DNAAF11: variants seen among roughly 807,000 people sequenced by gnomAD.
The protein encoded by DNAAF11 is dynein axonemal assembly factor 11, also known as leucine rich repeat containing 6.
Under a neutral mutation model 60.8 loss-of-function variants are expected in DNAAF11, and 45 were observed. That is an observed-to-expected ratio of 0.74 (90% CI 0.58 to 0.95). DNAAF11 has a LOEUF of 0.95. DNAAF11 is among the 40% of genes least tolerant of loss of function. The pLI is 0.00. For missense variants in DNAAF11, 546 were observed against 546.2 expected (o/e 1.00, Z 0.00); for synonymous variants, 191 against 183.5 (o/e 1.04, Z -0.33).
intron 5 of DNAAF11, among the ~76,000 whole-genome samples, chr8:132,626,173 T>G (rs1820262801): frequency 6.6e-6 from 1 of 152,074 alleles, no homozygotes; most frequent in Admixed American, 6.6e-5. Flanking sequence ...TGCCTCAGCC[T>G]CCTGAGTAGC....
At chr8:132,584,653 C>T (rs146542250) in intron 10 of DNAAF11, among the ~76,000 whole-genome samples, 2 of 152,170 alleles carry the variant, frequency 1.3e-5, no homozygotes, top group Non-Finnish European at 2.9e-5. Flanking sequence ...GTGTCCATTC[C>T]CCTCTCTACC....
chr8:132,650,483 A>C (rs1822894760), intron 3 of DNAAF11, among the ~76,000 whole-genome samples: 1 of 152,178 alleles, frequency 6.6e-6, no homozygotes, highest in Non-Finnish European at 1.5e-5. Flanking sequence ...AAACCTGCAC[A>C]TTGTGCACAT....
intron 11 of DNAAF11, among the ~76,000 whole-genome samples, chr8:132,576,670 A>T (rs1181797467): frequency 6.6e-6 from 1 of 152,214 alleles, no homozygotes; most frequent in Non-Finnish European, 1.5e-5. Context: ...TGCTCATTGG[A>T]GCACTTCAGA....
chr8:132,628,143 G>A (rs901003423), intron 5 of DNAAF11, among the ~76,000 whole-genome samples: 2 of 152,160 alleles, frequency 1.3e-5, no homozygotes, highest in East Asian at 3.9e-4. Context: ...GCTGGGTGGG[G>A]TGGCTCACGC....
In DNAAF11 at chr8:132,643,161, G is replaced by A. The variant is rs554074844; in HGVS notation, c.257-5054C>T. ...CACTGCTCACCTCCTGCTGTCAGCC[G>A]GTTCCTAACAGGCCAGAGGTATCGG... On this transcript the variant is annotated intron_variant, in intron 3 of 11. Transcript: ENST00000620350. Among the ~76,000 whole-genome samples, 539 of 152,302 alleles carry A rather than the reference G, an allele frequency of 3.5e-3. 4 individuals carry two copies. Among genetic ancestry groups the A allele is most frequent in the African/African-American group, 0.012 (496 of 41,562 alleles).
At chr8:132,636,220 A>G (rs570860624) in intron 4 of DNAAF11, among the ~76,000 whole-genome samples, 1 of 152,038 alleles carries the variant, frequency 6.6e-6, no homozygotes, top group African/African-American at 2.4e-5. Flanking sequence ...TATGAATACC[A>G]TTTTTCAAAA....
chr8:132,691,664 T>C, the DNAAF11 span, among the ~76,000 whole-genome samples: 7 of 152,262 alleles, frequency 4.6e-5, no homozygotes, highest in East Asian at 1.4e-3. Context: ...GAGAGACTTT[T>C]TTTTAAATAA....
chr8:132,661,436 T>C (rs1563704628), intron 2 of DNAAF11, 24 bp downstream of exon 2: 1 of 1,573,464 alleles, frequency 6.4e-7, no homozygotes, highest in East Asian at 2.2e-5. Context: ...CAAGAAACCA[T>C]GAGAACTAAG....
chr8:132,603,134 T>C (rs1817795366), intron 10 of DNAAF11, among the ~76,000 whole-genome samples: 1 of 152,198 alleles, frequency 6.6e-6, no homozygotes. Flanking sequence ...CTATTCACTA[T>C]CTTGGTAGGT....
intron 5 of DNAAF11, among the ~76,000 whole-genome samples, chr8:132,628,942 T>C (rs1429099171): frequency 6.6e-6 from 1 of 152,110 alleles, no homozygotes; most frequent in Admixed American, 6.5e-5. Flanking sequence ...CAGGAAAAAA[T>C]ACAATCAGAC....
chr8:132,667,063 T>C (rs1483871463), intron 1 of DNAAF11, among the ~76,000 whole-genome samples: 2 of 152,092 alleles, frequency 1.3e-5, no homozygotes, highest in East Asian at 1.9e-4. Flanking sequence ...TTGGGAGATA[T>C]AAAAAAGCTA....
intron 4 of DNAAF11, among the ~76,000 whole-genome samples, chr8:132,637,616 AAAC>A (rs1482197595): frequency 6.6e-6 from 1 of 152,186 alleles, no homozygotes; most frequent in Non-Finnish European, 1.5e-5. Flanking sequence ...AAAAAAAAAA[AAAC>A]AAGTAATAAT....
At chr8:132,641,361 G>C (rs754692634) in intron 3 of DNAAF11, among the ~76,000 whole-genome samples, 11 of 152,108 alleles carry the variant, frequency 7.2e-5, no homozygotes, top group East Asian at 1.9e-4. Flanking sequence ...TGTCATACTT[G>C]ATGTTCTTCT....
chr8:132,617,286 G>A (rs998910247), intron 7 of DNAAF11, among the ~76,000 whole-genome samples: 3 of 152,004 alleles, frequency 2.0e-5, no homozygotes, highest in African/African-American at 7.2e-5. Context: ...GTTTGTTATA[G>A]GGCACCCAAA....
intron 9 of DNAAF11, among the ~76,000 whole-genome samples, 156 bp from the exon 10 acceptor site, chr8:132,610,417 T>C (rs1818547269): frequency 6.6e-6 from 1 of 152,222 alleles, no homozygotes; most frequent in East Asian, 1.9e-4. Context: ...ATGCTTTCTA[T>C]GCACAAACTA....
intron 1 of DNAAF11, among the ~76,000 whole-genome samples, chr8:132,672,361 G>GC (rs1185582645): frequency 6.6e-6 from 1 of 152,078 alleles, no homozygotes. Flanking sequence ...CCATCCCCAG[G>GC]CTCAATATTG....
chr8:132,684,943 A>G, the DNAAF11 span: 6 of 152,234 alleles, frequency 3.9e-5, no homozygotes, highest in African/African-American at 1.2e-4. Context: ...CCCTCTTACC[A>G]TGTGGTGTCT....
At chr8:132,657,699 GT>G (rs1330423723) in intron 2 of DNAAF11, among the ~76,000 whole-genome samples, 1 of 152,174 alleles carries the variant, frequency 6.6e-6, no homozygotes, top group Non-Finnish European at 1.5e-5. Flanking sequence ...TTGAAAAATA[GT>G]TAATAATACC....
chr8:132,689,486 A>G, the DNAAF11 span, among the ~76,000 whole-genome samples: 1 of 110,358 alleles, frequency 9.1e-6, no homozygotes, highest in Non-Finnish European at 1.8e-5. Context: ...ATATCACCTC[A>G]GCAATTCAGT....
Sources: allele counts gnomAD v4.1 joint callset (sites outside exome capture counted in the v4.1 genomes callset), GRCh38; gene constraint gnomAD v4.1.1; transcripts MANE v1.5; gene names NCBI Gene and HGNC (gene_info 2026-07-23, HGNC 2026-07-21).